GPHN: variants seen among roughly 807,000 people sequenced by gnomAD.
GPHN encodes the protein gephyrin.
Under a neutral mutation model 95.5 loss-of-function variants are expected in GPHN, and 17 were observed. The observed-to-expected ratio is 0.18, with a 90% CI of 0.12 to 0.27. GPHN has a LOEUF of 0.27. GPHN is among the 10% of genes least tolerant of loss of function. The probability of loss-of-function intolerance (pLI) is 1.00; values close to 1 mark genes in which losing one functional copy is unlikely to be tolerated. For synonymous variants in GPHN, 320 were observed against 322.5 expected (o/e 0.99, Z 0.08); for missense variants, 660 against 978.1 (o/e 0.67, Z 4.34).
At chr14:66,969,978 C>T (rs1336212111) in intron 9 of GPHN, among the ~76,000 whole-genome samples, 1 of 151,702 alleles carries the variant, frequency 6.6e-6, no homozygotes, top group Non-Finnish European at 1.5e-5. Flanking sequence ...ATTCCCTAAA[C>T]ATCTGAAGTT....
chr14:66,628,849 C>T (rs1312662488), intron 1 of GPHN, among the ~76,000 whole-genome samples: 1 of 151,410 alleles, frequency 6.6e-6, no homozygotes, highest in Admixed American at 6.6e-5. Context: ...TGCTTAATCC[C>T]AGGAGTTTAA....
At chr14:66,868,691 A>C (rs747142148) in intron 4 of GPHN, among the ~76,000 whole-genome samples, 1 of 152,098 alleles carries the variant, frequency 6.6e-6, no homozygotes, top group Non-Finnish European at 1.5e-5. Context: ...ACCATGCCCA[A>C]CCATATGTTC....
At chr14:66,789,717 G>A (rs2059906616) in intron 3 of GPHN, among the ~76,000 whole-genome samples, 1 of 152,196 alleles carries the variant, frequency 6.6e-6, no homozygotes, top group Admixed American at 6.5e-5. Context: ...AAAGCAATCT[G>A]AAGCCAATCA....
At chr14:66,637,991 G>A (rs1451262698) in intron 1 of GPHN, among the ~76,000 whole-genome samples, 1 of 151,984 alleles carries the variant, frequency 6.6e-6, no homozygotes, top group African/African-American at 2.4e-5. Flanking sequence ...AAGAGAAAAA[G>A]TGTTTATTTC....
At chr14:67,494,088 A>G in the GPHN span, among the ~76,000 whole-genome samples, 2 of 152,032 alleles carry the variant, frequency 1.3e-5, no homozygotes, top group East Asian at 1.9e-4. Context: ...CTTAAGCCCA[A>G]CAACCCCTGC....
At chr14:66,765,812 A>T (rs1348922544) in intron 2 of GPHN, among the ~76,000 whole-genome samples, 1 of 152,240 alleles carries the variant, frequency 6.6e-6, no homozygotes, top group Non-Finnish European at 1.5e-5. Flanking sequence ...TGTATAATTT[A>T]TTATCTACAT....
At chr14:67,592,362 C>G in the GPHN span, 1 of 455,492 alleles carries the variant, frequency 2.2e-6, no homozygotes, top group South Asian at 2.2e-5. Context: ...ATTTCTTGAG[C>G]CTGGGAGGTG....
At chr14:67,700,040 G>A in the GPHN span, among the ~76,000 whole-genome samples, 1 of 151,904 alleles carries the variant, frequency 6.6e-6, no homozygotes, top group Non-Finnish European at 1.5e-5. Flanking sequence ...CTTGGGAGAT[G>A]GAGGCAGGAG....
At chr14:66,719,025 C>A (rs1038613688) in intron 2 of GPHN, among the ~76,000 whole-genome samples, 1 of 152,186 alleles carries the variant, frequency 6.6e-6, no homozygotes, top group Admixed American at 6.5e-5. Context: ...AGCTCCCACG[C>A]AATCCACAGG....
chr14:67,270,505 C>T, the GPHN span: 3 of 150,770 alleles, frequency 2.0e-5, no homozygotes, highest in African/African-American at 7.3e-5. Context: ...CCTCTGCTGT[C>T]TTCATAAGAT....
chr14:67,459,731 C>T, the GPHN span, among the ~76,000 whole-genome samples: 2 of 152,224 alleles, frequency 1.3e-5, no homozygotes, highest in African/African-American at 4.8e-5. Flanking sequence ...CACATAGGCG[C>T]TCAATAAACC....
intron 1 of GPHN, among the ~76,000 whole-genome samples, chr14:66,658,924 T>C (rs978553781): frequency 1.3e-5 from 2 of 151,954 alleles, no homozygotes; most frequent in African/African-American, 4.8e-5. Flanking sequence ...CATTGTTTTA[T>C]TATTTTGCTG....
rs367997271 is a variant in GPHN, at chr14:66,845,819, CTGTGTGTGTG to C, written c.294+21285_294+21294del. Among the ~76,000 whole-genome samples, 1,432 of 143,396 alleles carry C rather than the reference CTGTGTGTGTG, an allele frequency of 1.0e-2. 30 individuals are homozygous for C. The highest frequency in any genetic ancestry group is 0.033 in the African/African-American group (1,279 of 39,256). 94.1% of individuals were successfully genotyped at this position (143,396 alleles called of 152,430 possible). ...TTAGGTAATGTGCACATACATGCCT[CTGTGTGTGTG>C]TGTGTGTGTGTGTGTGTGTGTGTGT... On this transcript the variant is annotated intron_variant, in intron 4 of 22. Transcript: ENST00000478722.
the GPHN span, chr14:67,724,386 GAT>G: frequency 1.1e-6 from 1 of 913,136 alleles, no homozygotes; most frequent in Non-Finnish European, 1.7e-6. Context: ...TTTGAGGCTG[GAT>G]AGAGTTTTTT....
rs573790178 is a variant in GPHN at position 66,736,882 on chromosome 14, T to A, written c.144-39582T>A. On this transcript the variant is annotated intron_variant, in intron 2 of 22. Transcript: ENST00000478722. ...CTTAACCTCTGTTTCTTATTTTCTT[T>A]CTTTTTATCTCTCTTTGCTGAATTC... Among the ~76,000 whole-genome samples, 17 of 152,326 alleles carry A rather than the reference T, an allele frequency of 1.1e-4. No homozygotes were observed. The South Asian group carries it at 3.5e-3, about 32-fold the overall frequency.
At chr14:67,104,588 T>G (rs776853542) in intron 13 of GPHN, among the ~76,000 whole-genome samples, 1 of 152,174 alleles carries the variant, frequency 6.6e-6, no homozygotes. Flanking sequence ...GCTTGGTAGA[T>G]TGTATGTATT....
At chr14:67,261,679 C>G in the GPHN span, among the ~76,000 whole-genome samples, 1 of 152,006 alleles carries the variant, frequency 6.6e-6, no homozygotes, top group African/African-American at 2.4e-5. Flanking sequence ...ATGTTGGTAG[C>G]CTAGTATCAC....
chr14:66,525,953 T>G (rs1013937037), intron 1 of GPHN, among the ~76,000 whole-genome samples: 16 of 152,168 alleles, frequency 1.1e-4, no homozygotes, highest in African/African-American at 3.9e-4. Flanking sequence ...TGCTTAGGAT[T>G]GTCTTGGCTA....
chr14:67,125,370 G>A (rs946980739), intron 17 of GPHN, among the ~76,000 whole-genome samples: 1 of 152,146 alleles, frequency 6.6e-6, no homozygotes, highest in Non-Finnish European at 1.5e-5. Flanking sequence ...CATTTGCTAA[G>A]GAAAGCAAAT....
Sources: gnomAD v4.1 joint callset for allele counts (sites outside exome capture counted in the v4.1 genomes callset) on GRCh38, gnomAD v4.1.1 for gene constraint, MANE v1.5 for transcripts, NCBI Gene and HGNC (gene_info 2026-07-23, HGNC 2026-07-21) for gene names.